P2RY6: variants seen among roughly 807,000 people sequenced by gnomAD.
The protein encoded by P2RY6 is pyrimidinergic receptor P2Y6, also known as P2Y purinoceptor 6.
A neutral mutation model predicts 16.3 loss-of-function variants in P2RY6; 19 were observed. The observed-to-expected ratio is 1.16, with a 90% CI of 0.81 to 1.71. The LOEUF (loss-of-function observed/expected upper bound fraction) is 1.71. Ranked by LOEUF, P2RY6 falls within the 40% of genes most tolerant of loss-of-function variation. The pLI is 0.00. For synonymous variants in P2RY6, 184 were observed against 201.5 expected, an observed-to-expected ratio of 0.91 and a Z score of 0.74; for missense variants, 389 against 455.5, an observed-to-expected ratio of 0.85 and a Z score of 1.33.
chr11:73,274,808 T>A (rs746799868), intron 1 of P2RY6, among the ~76,000 whole-genome samples: 4 of 152,166 alleles, frequency 2.6e-5, no homozygotes, highest in Non-Finnish European at 5.9e-5. Context: ...CTGTCGAGAC[T>A]CTCAGGAAGC....
At chr11:73,290,853 C>A (rs189868810) in intron 1 of P2RY6, among the ~76,000 whole-genome samples, 2 of 152,348 alleles carry the variant, frequency 1.3e-5, no homozygotes, top group African/African-American at 2.4e-5. Flanking sequence ...CCGGTGAGAG[C>A]AAGGCAGTTC....
At chr11:73,286,451 A>G (rs11235713) in intron 1 of P2RY6, among the ~76,000 whole-genome samples, 29,413 of 151,886 alleles carry the variant, frequency 0.19, 3,393 homozygotes, top group African/African-American at 0.33. Flanking sequence ...TGGCGGGGTT[A>G]GTGGTCTGCC....
intron 1 of P2RY6, among the ~76,000 whole-genome samples, chr11:73,273,426 G>T (rs1429767032): frequency 6.6e-6 from 1 of 152,140 alleles, no homozygotes; most frequent in East Asian, 1.9e-4. Context: ...CCAAGCCCCT[G>T]GGTGTGTACG....
At chr11:73,276,045 C>T (rs1014034568) in intron 1 of P2RY6, among the ~76,000 whole-genome samples, 1 of 152,210 alleles carries the variant, frequency 6.6e-6, no homozygotes, top group South Asian at 2.1e-4. Context: ...ACTCATGACT[C>T]TCCCACTCCG....
chr11:73,268,775 T>C (rs1221049821), upstream of P2RY6, among the ~76,000 whole-genome samples: 1 of 152,206 alleles, frequency 6.6e-6, no homozygotes, highest in Non-Finnish European at 1.5e-5. Flanking sequence ...AGCCTCCTGT[T>C]TCAGTCAAGA....
intron 1 of P2RY6, among the ~76,000 whole-genome samples, chr11:73,276,720 G>A (rs1297338555): frequency 5.9e-5 from 9 of 152,150 alleles, no homozygotes; most frequent in Admixed American, 3.3e-4. Flanking sequence ...AAAGGAATGG[G>A]GAGTAACTGC....
chr11:73,281,774 G>T lies in P2RY6; in HGVS notation c.-121+9308G>T, dbSNP rs535245944. On this transcript the variant is annotated intron_variant, in intron 1 of 2. Coordinates refer to ENST00000540124, the MANE Select transcript of P2RY6 (RefSeq NM_001277204.2). ...GGAGCCGAATGTCTCTCCTCTCTTG[G>T]CCTCAGTTACCCTCACTGCAAAATG... Among the ~76,000 whole-genome samples, 9 of 152,326 alleles carry T rather than the reference G, an allele frequency of 5.9e-5. No individual in the cohort carries two copies. In the South Asian group the frequency reaches 1.7e-3, roughly 28 times the overall value.
At chr11:73,295,373 A>G (rs1457537016) in intron 1 of P2RY6, among the ~76,000 whole-genome samples, 1 of 152,228 alleles carries the variant, frequency 6.6e-6, no homozygotes, top group Non-Finnish European at 1.5e-5. Context: ...GTGGGGGAGC[A>G]ACATTTAAAC....
Position 73,296,886 on chromosome 11 carries a change from A to G in P2RY6, c.368A>G (p.Gln123Arg), listed in dbSNP as rs377319152. ...CTCTTCCTCACCTGCATCAGCTTCC[A>G]GCGCTACCTGGGCATCTGCCACCCG... ...SILFLTCISF[Q>R]RYLGICHPLA... The change falls in exon 3 of 3, where the codon CAG becomes CGG. Residue 123 changes from glutamine (Q) to arginine (R), a missense_variant. By Grantham distance (43) the Gln-to-Arg change is conservative. Coordinates refer to ENST00000540124, the MANE Select transcript of P2RY6 (RefSeq NM_001277204.2). 3 of 1,610,428 alleles carry G rather than the reference A, an allele frequency of 1.9e-6. No individual in the cohort carries two copies. Among genetic ancestry groups the G allele is most frequent in the Non-Finnish European group, 2.5e-6 (3 of 1,180,008 alleles).
upstream of P2RY6, chr11:73,271,691 G>A (rs901251573): frequency 1.3e-5 from 2 of 152,522 alleles, no homozygotes; most frequent in Admixed American, 6.5e-5. Flanking sequence ...CCTTGGTTTC[G>A]GGTCTGGTTC....
intron 1 of P2RY6, among the ~76,000 whole-genome samples, chr11:73,281,924 C>T (rs555098344): frequency 1.3e-5 from 2 of 152,334 alleles, no homozygotes; most frequent in African/African-American, 2.4e-5. Flanking sequence ...TCCAAGTCCC[C>T]TGCAACCAAA....
intron 1 of P2RY6, among the ~76,000 whole-genome samples, chr11:73,283,809 C>T (rs185582910): frequency 8.0e-4 from 121 of 152,104 alleles, no homozygotes; most frequent in Non-Finnish European, 1.6e-4. Flanking sequence ...GAGGAACAGA[C>T]GGAGAGGCAC....
chr11:73,277,974 TTTTG>T (rs143158419), intron 1 of P2RY6, among the ~76,000 whole-genome samples: 34,219 of 151,510 alleles, frequency 0.23, 5,024 homozygotes, highest in African/African-American at 0.42. Context: ...CAAGGCTGAG[TTTTG>T]TTTGTTTGTT....
At chr11:73,285,500 A>G (rs1215936195) in intron 1 of P2RY6, among the ~76,000 whole-genome samples, 3 of 152,172 alleles carry the variant, frequency 2.0e-5, no homozygotes, top group African/African-American at 7.2e-5. Flanking sequence ...CCCCTTGGAC[A>G]CCCACAAAGT....
intron 1 of P2RY6, among the ~76,000 whole-genome samples, 151 bp downstream of exon 1, chr11:73,272,617 G>A (rs1287509310): frequency 2.6e-5 from 4 of 152,188 alleles, no homozygotes; most frequent in East Asian, 3.9e-4. Flanking sequence ...TCCTTCCTCC[G>A]CCTGGCTATG....
chr11:73,265,711 A>C (rs1863080449), intron 1 of P2RY6, among the ~76,000 whole-genome samples: 1 of 152,204 alleles, frequency 6.6e-6, no homozygotes, highest in Non-Finnish European at 1.5e-5. Flanking sequence ...AAGGGGCTGC[A>C]GGACCCTGGG....
intron 1 of P2RY6, among the ~76,000 whole-genome samples, chr11:73,292,519 G>C (rs1864298926): frequency 1.3e-5 from 2 of 152,218 alleles, no homozygotes; most frequent in African/African-American, 2.4e-5. Flanking sequence ...TGACAACTGA[G>C]AAGACTGAGA....
chr11:73,269,965 G>A (rs1434617343), upstream of P2RY6: 2 of 152,256 alleles, frequency 1.3e-5, no homozygotes, highest in Non-Finnish European at 2.9e-5. Flanking sequence ...GGAAGAACTG[G>A]TTCTGTGGAA....
At chr11:73,266,432 C>G (rs1246249645) in intron 1 of P2RY6, among the ~76,000 whole-genome samples, 1 of 152,180 alleles carries the variant, frequency 6.6e-6, no homozygotes, top group Non-Finnish European at 1.5e-5. Context: ...CTGGGTTGCC[C>G]TCTGCCTGGA....
Sources: allele counts gnomAD v4.1 joint callset (sites outside exome capture counted in the v4.1 genomes callset), GRCh38; gene constraint gnomAD v4.1.1; transcripts MANE v1.5; gene names NCBI Gene and HGNC (gene_info 2026-07-23, HGNC 2026-07-21).